PDE8B: variants seen among roughly 807,000 people sequenced by gnomAD.
PDE8B encodes the protein high affinity cAMP-specific and IBMX-insensitive 3',5'-cyclic phosphodiesterase 8B.
A neutral mutation model predicts 101.3 loss-of-function variants in PDE8B; 26 were observed. The ratio of observed to expected loss-of-function variants is 0.26; its 90% CI spans 0.19 to 0.36. The LOEUF is 0.36. Ranked by LOEUF, PDE8B falls within the 10% of genes least tolerant of loss-of-function variation. PDE8B has a pLI of 1.00. For missense variants in PDE8B, 810 were observed against 1,163.1 expected (o/e 0.70, Z 4.42); for synonymous variants, 424 against 429.3 (o/e 0.99, Z 0.15).
At chr5:77,338,466 A>G (rs1778587049) in intron 6 of PDE8B, among the ~76,000 whole-genome samples, 1 of 152,196 alleles carries the variant, frequency 6.6e-6, no homozygotes, top group Non-Finnish European at 1.5e-5. Context: ...CCAGTGGGAA[A>G]TCAGATATTT....
rs985158795 is a variant in PDE8B, at chr5:77,211,621, G to A, written c.339+357G>A. Among the ~76,000 whole-genome samples the A allele has an allele frequency of 1.3e-5, 2 of 152,218 alleles. No homozygotes were observed. The highest frequency in any genetic ancestry group is 2.1e-4 in the South Asian group (1 of 4,832). Reference sequence around the variant, plus strand: ...GACCATTGAGAGCATTCGGTGGCCAGTCCTGTTGAATGAAATCTGAGCACT... The same window carrying A: ...GACCATTGAGAGCATTCGGTGGCCAATCCTGTTGAATGAAATCTGAGCACT... On this transcript the variant is annotated intron_variant, in intron 1 of 21. Coordinates refer to ENST00000264917, the MANE Select transcript of PDE8B (RefSeq NM_003719.5). This position sits in a 1 kb window ranked among gnomAD's most constrained non-coding sequence, Gnocchi z 4.1.
At chr5:77,125,515 A>G in the PDE8B span, among the ~76,000 whole-genome samples, 1 of 152,210 alleles carries the variant, frequency 6.6e-6, no homozygotes, top group Non-Finnish European at 1.5e-5. Context: ...TTGTACACCA[A>G]CGTCCACGGA....
the PDE8B span, among the ~76,000 whole-genome samples, chr5:77,089,997 A>G: frequency 3.3e-5 from 5 of 152,248 alleles, no homozygotes; most frequent in African/African-American, 1.2e-4. Context: ...AGCAACATGC[A>G]GGGAACTAGA....
chr5:77,211,105 A>G lies in PDE8B; in HGVS notation c.180A>G (p.Gly60=). 1 of 1,491,320 alleles carries G rather than the reference A, an allele frequency of 6.7e-7. No individual in the cohort carries two copies. Among genetic ancestry groups the G allele is most frequent in the Non-Finnish European group, 8.9e-7 (1 of 1,127,528 alleles). The allele number at this position is 1,491,320 out of a possible 1,614,324, so 92.4% of individuals were successfully genotyped here. The part of the protein sequence containing the change: ...ADAIPPSRAS[G]PPSVARVRRA... ...CCATCCCCCCGAGCCGCGCGTCGGG[A>G]CCCCCCAGCGTAGCCCGCGTCCGCA... The change falls in exon 1 of 22, where the codon GGA becomes GGG. Residue 60 remains glycine, a synonymous_variant. Coordinates refer to ENST00000264917, the MANE Select transcript of PDE8B (RefSeq NM_003719.5). The surrounding 1 kb of genome is among the most constrained non-coding windows in gnomAD (Gnocchi z 4.1).
chr5:77,219,147 C>T (rs541180481), intron 1 of PDE8B, among the ~76,000 whole-genome samples: 15 of 152,260 alleles, frequency 9.9e-5, no homozygotes, highest in African/African-American at 3.6e-4. Context: ...AGGTGGTTCC[C>T]TGTGGAATTC....
At chr5:77,296,592 A>G (rs568217809) in intron 1 of PDE8B, among the ~76,000 whole-genome samples, 6 of 152,298 alleles carry the variant, frequency 3.9e-5, no homozygotes, top group East Asian at 3.9e-4. Flanking sequence ...TGACTCCTGG[A>G]AGGAGAAAGG....
chr5:77,120,651 T>G, the PDE8B span, among the ~76,000 whole-genome samples: 1 of 152,258 alleles, frequency 6.6e-6, no homozygotes, highest in Non-Finnish European at 1.5e-5. Flanking sequence ...TGTAGCATTC[T>G]TTCAACTTCT....
intron 1 of PDE8B, among the ~76,000 whole-genome samples, chr5:77,297,264 T>C (rs1399369048): frequency 6.6e-6 from 1 of 152,184 alleles, no homozygotes; most frequent in Admixed American, 6.5e-5. Flanking sequence ...CCTCTTAATA[T>C]AGTCAAAATG....
At chr5:77,373,935 T>C (rs888414244) in intron 10 of PDE8B, among the ~76,000 whole-genome samples, 3 of 152,194 alleles carry the variant, frequency 2.0e-5, no homozygotes, top group African/African-American at 7.2e-5. Context: ...CTGCAACCTC[T>C]GCCTCCCAGG....
intron 1 of PDE8B, among the ~76,000 whole-genome samples, chr5:77,302,636 T>A (rs1386097430): frequency 6.6e-6 from 1 of 152,178 alleles, no homozygotes; most frequent in African/African-American, 2.4e-5. Flanking sequence ...AACCCTCACC[T>A]CATTTAAAGT....
the PDE8B span, among the ~76,000 whole-genome samples, chr5:77,152,583 A>T: frequency 5.9e-5 from 9 of 152,310 alleles, no homozygotes; most frequent in East Asian, 1.7e-3. Context: ...TTGGACTTAC[A>T]TGTGGGTGTG....
intron 10 of PDE8B, among the ~76,000 whole-genome samples, chr5:77,397,829 A>G (rs1581473872): frequency 6.6e-6 from 1 of 152,088 alleles, no homozygotes; most frequent in Non-Finnish European, 1.5e-5. Flanking sequence ...ACCTCTAACA[A>G]TATAGCTGTT....
chr5:77,258,518 C>T (rs796627507), intron 1 of PDE8B, among the ~76,000 whole-genome samples: 7 of 152,208 alleles, frequency 4.6e-5, no homozygotes, highest in African/African-American at 1.7e-4. Context: ...TAGAATTTCT[C>T]CACAGCCTAA....
intron 2 of PDE8B, among the ~76,000 whole-genome samples, chr5:77,316,836 C>T (rs1773863878): frequency 1.3e-5 from 2 of 152,172 alleles, no homozygotes; most frequent in Admixed American, 6.5e-5. Context: ...ACCAGTGCTA[C>T]GGTATACCCC....
At chr5:77,165,785 C>A in the PDE8B span, among the ~76,000 whole-genome samples, 1 of 151,956 alleles carries the variant, frequency 6.6e-6, no homozygotes, top group Non-Finnish European at 1.5e-5. Context: ...CTGGGCGGAT[C>A]ACTTGAGGCC....
the PDE8B span, among the ~76,000 whole-genome samples, chr5:77,202,224 A>C: frequency 6.6e-6 from 1 of 152,242 alleles, no homozygotes; most frequent in South Asian, 2.1e-4. Context: ...ACTGATCTTC[A>C]TTCCTGACTT....
intron 10 of PDE8B, among the ~76,000 whole-genome samples, chr5:77,386,949 T>C (rs1276796667): frequency 1.6e-5 from 2 of 125,848 alleles, no homozygotes; most frequent in African/African-American, 6.0e-5. Context: ...AGTGGCGCAA[T>C]CTCGGCTCAC....
chr5:77,379,262 CAGA>C (rs1250567485), intron 10 of PDE8B, among the ~76,000 whole-genome samples: 3 of 152,108 alleles, frequency 2.0e-5, no homozygotes, highest in African/African-American at 7.2e-5. Flanking sequence ...TATCTAACAG[CAGA>C]AGAAGATAAA....
At chr5:77,422,168 T>TG (rs1270634641) in intron 20 of PDE8B, among the ~76,000 whole-genome samples, 180 bp downstream of exon 20, 1 of 152,220 alleles carries the variant, frequency 6.6e-6, no homozygotes, top group Non-Finnish European at 1.5e-5. Context: ...AGCTGACTGA[T>TG]GGGGCTGATC....
Sources: allele counts gnomAD v4.1 joint callset (sites outside exome capture counted in the v4.1 genomes callset), GRCh38; gene constraint gnomAD v4.1.1; non-coding constraint Gnocchi (gnomAD v3.1); transcripts MANE v1.5; gene names NCBI Gene and HGNC (gene_info 2026-07-23, HGNC 2026-07-21).